The following BORCS5 variants were observed in gnomAD, a reference collection of about 807,000 sequenced individuals.
The protein encoded by BORCS5 is BLOC-1 related complex subunit 5.
In BORCS5, 17 loss-of-function variants were observed where a neutral mutation model predicts 22.1. The observed-to-expected ratio is 0.77, with a 90% CI of 0.53 to 1.15. BORCS5 has a LOEUF of 1.15. Among genes scored for constraint, BORCS5 ranks in the 50% most tolerant of loss-of-function variants. The pLI, the probability that BORCS5 is intolerant of heterozygous loss-of-function variation, is 0.00. For missense variants in BORCS5, 247 were observed against 253.2 expected (o/e 0.98, Z 0.17); for synonymous variants, 117 against 99.8 (o/e 1.17, Z -1.03).
chr12:12,413,644 C>T (rs1437009596), intron 2 of BORCS5, among the ~76,000 whole-genome samples: 15 of 133,174 alleles, frequency 1.1e-4, no homozygotes, highest in Admixed American at 4.3e-4. Context: ...CCTCACTTCC[C>T]AGTAGGGGCG....
Position 12,465,804 on chromosome 12 carries a change from A to T in BORCS5, c.*28A>T. ...GCTGCCCGGCCTGCCTGGGGCTGGG[A>T]GCCCCAGACACCGACACCCTGAGGA... On this transcript the variant is annotated 3_prime_UTR_variant, in exon 4 of 4. Transcript: ENST00000314565. 2 of 1,585,196 alleles carry T rather than the reference A, an allele frequency of 1.3e-6. No homozygotes were observed. The highest frequency in any genetic ancestry group is 1.7e-6 in the Non-Finnish European group (2 of 1,162,234).
At chr12:12,387,161 C>T (rs888201187) in intron 2 of BORCS5, among the ~76,000 whole-genome samples, 1 of 151,438 alleles carries the variant, frequency 6.6e-6, no homozygotes, top group Non-Finnish European at 1.5e-5. Flanking sequence ...AGCTCTCATG[C>T]CTAGCAAGAT....
At chr12:12,360,740 A>C (rs1457101695) in intron 1 of BORCS5, among the ~76,000 whole-genome samples, 1 of 151,196 alleles carries the variant, frequency 6.6e-6, no homozygotes, top group Non-Finnish European at 1.5e-5. Flanking sequence ...TTTGTTTTTG[A>C]GACAGAGTCT....
chr12:12,379,602 A>G (rs904043340), intron 2 of BORCS5, among the ~76,000 whole-genome samples: 4 of 151,542 alleles, frequency 2.6e-5, no homozygotes, highest in Non-Finnish European at 4.4e-5. Context: ...AAGATCCACT[A>G]AAGCCCATTA....
In BORCS5 at chr12:12,413,494, C is replaced by T. The variant is rs911978190; in HGVS notation, c.203-22134C>T. 2.7e-5 allele frequency among the ~76,000 whole-genome samples: 4 copies of T among 150,536 alleles called. 1 individual carries two copies. Among genetic ancestry groups the T allele is most frequent in the Middle Eastern group, 6.8e-3 (2 of 292 alleles). ...CATGTCTACCTCCATCCACACAGACCCGGCAACCATCTGATTTCTCAGTTT... is the reference window on the plus strand; with the variant it reads ...CATGTCTACCTCCATCCACACAGACTCGGCAACCATCTGATTTCTCAGTTT... On this transcript the variant is annotated intron_variant, in intron 2 of 3. Transcript: ENST00000314565.
intron 2 of BORCS5, among the ~76,000 whole-genome samples, chr12:12,370,194 A>G (rs1863496268): frequency 6.6e-6 from 1 of 152,208 alleles, no homozygotes. Flanking sequence ...AACTATATAT[A>G]GAATGTGATG....
intron 3 of BORCS5, among the ~76,000 whole-genome samples, chr12:12,459,317 T>G (rs1943059713): frequency 6.6e-6 from 1 of 152,184 alleles, no homozygotes; most frequent in Non-Finnish European, 1.5e-5. Context: ...TAGCAATTTT[T>G]TTTTTTTTTA....
At chr12:12,458,880 G>A (rs890403578) in intron 3 of BORCS5, among the ~76,000 whole-genome samples, 2 of 148,486 alleles carry the variant, frequency 1.3e-5, no homozygotes, top group African/African-American at 4.9e-5. Flanking sequence ...GCTGAGGCAG[G>A]AGAATTGCTT....
chr12:12,443,638 G>A (rs958438007), intron 3 of BORCS5, among the ~76,000 whole-genome samples: 2 of 152,334 alleles, frequency 1.3e-5, no homozygotes, highest in Non-Finnish European at 2.9e-5. Flanking sequence ...TTACTTGCCT[G>A]TTGGAAATGT....
intron 2 of BORCS5, among the ~76,000 whole-genome samples, chr12:12,389,201 G>A (rs1239078056): frequency 2.1e-5 from 3 of 145,590 alleles, no homozygotes; most frequent in East Asian, 2.0e-4. Flanking sequence ...GCAATGGTGC[G>A]ATCTCGGCTT....
At chr12:12,419,444 T>C (rs1469030973) in intron 2 of BORCS5, among the ~76,000 whole-genome samples, 6 of 152,236 alleles carry the variant, frequency 3.9e-5, no homozygotes, top group Non-Finnish European at 8.8e-5. Context: ...CAGTCTATCA[T>C]TGATGGACAT....
At chr12:12,426,234 T>G (rs1942284074) in intron 2 of BORCS5, among the ~76,000 whole-genome samples, 1 of 152,188 alleles carries the variant, frequency 6.6e-6, no homozygotes, top group African/African-American at 2.4e-5. Flanking sequence ...GATGAGCAGT[T>G]GAACATTTAC....
At chr12:12,421,616 A>G (rs1412225527) in intron 2 of BORCS5, among the ~76,000 whole-genome samples, 2 of 152,234 alleles carry the variant, frequency 1.3e-5, no homozygotes, top group Non-Finnish European at 2.9e-5. Flanking sequence ...GAATAGTTTC[A>G]GAAGGAATGG....
chr12:12,404,847 C>G lies in BORCS5; in HGVS notation c.203-30781C>G, dbSNP rs111773952. On this transcript the variant is annotated intron_variant, in intron 2 of 3. Coordinates refer to ENST00000314565, the MANE Select transcript of BORCS5 (RefSeq NM_058169.6). ...CCAAGTAGCTGGGATTACAGGTGCC[C>G]GCCACCACACCTGGCTAATTTTTTT... Among the ~76,000 whole-genome samples the G allele has an allele frequency of 8.0e-3, 1,214 of 152,112 alleles. 18 individuals carry two copies. The highest frequency in any genetic ancestry group is 0.027 in the African/African-American group (1,113 of 41,500).
intron 2 of BORCS5, among the ~76,000 whole-genome samples, chr12:12,393,457 T>C (rs1366150450): frequency 1.3e-5 from 2 of 152,026 alleles, no homozygotes; most frequent in African/African-American, 4.8e-5. Context: ...CCACACCCTA[T>C]CCTTATACAA....
chr12:12,460,223 T>C (rs995218163), intron 3 of BORCS5, among the ~76,000 whole-genome samples: 4 of 152,256 alleles, frequency 2.6e-5, no homozygotes, highest in African/African-American at 4.8e-5. Context: ...ACAGATCTTA[T>C]ACATATTTTG....
chr12:12,370,115 C>CACAA (rs1448880002), intron 2 of BORCS5, among the ~76,000 whole-genome samples: 1 of 114,324 alleles, frequency 8.7e-6, no homozygotes, highest in Non-Finnish European at 1.6e-5. Flanking sequence ...CACACACACA[C>CACAA]ACACACACAC....
intron 2 of BORCS5, among the ~76,000 whole-genome samples, chr12:12,400,589 GA>G (rs34678519): frequency 0.03 from 4,175 of 138,794 alleles, 137 homozygotes; most frequent in African/African-American, 0.086. Flanking sequence ...TCAGCATACA[GA>G]AAAAAAAAAA....
rs78669475 is a variant in BORCS5, at chr12:12,387,636, T to G, written c.202+26287T>G. On this transcript the variant is annotated intron_variant, in intron 2 of 3. Transcript: ENST00000314565. The stretch of plus-strand genomic sequence containing the variant: ...TGGATCCAGTGTCTTTTCTGCATGA[T>G]ATATTCCTTTTAATACAGCCCAAGT... Among the ~76,000 whole-genome samples, 388 of 151,630 alleles carry G rather than the reference T, an allele frequency of 2.6e-3. 6 individuals are homozygous for G. Among genetic ancestry groups the G allele is most frequent in the African/African-American group, 9.0e-3 (374 of 41,338 alleles).
Sources: allele counts gnomAD v4.1 joint callset (sites outside exome capture counted in the v4.1 genomes callset), GRCh38; gene constraint gnomAD v4.1.1; transcripts MANE v1.5; gene names NCBI Gene and HGNC (gene_info 2026-07-23, HGNC 2026-07-21).